The following GRIK2 variants were observed in gnomAD, a reference collection of about 807,000 sequenced individuals.
GRIK2 encodes the protein glutamate receptor ionotropic, kainate 2.
Under a neutral mutation model 100.3 loss-of-function variants are expected in GRIK2, and 32 were observed. The observed-to-expected ratio is 0.32, with a 90% CI of 0.24 to 0.43. GRIK2 has a LOEUF of 0.43. Among genes scored for constraint, GRIK2 ranks in the 20% least tolerant of loss-of-function variants. The pLI, the probability that GRIK2 is intolerant of heterozygous loss-of-function variation, is 1.00. For missense variants in GRIK2, 843 were observed against 1,114.9 expected (o/e 0.76, Z 3.47); for synonymous variants, 417 against 389.4 (o/e 1.07, Z -0.83).
At chr6:101,554,289 T>C (rs1776639646) in intron 2 of GRIK2, among the ~76,000 whole-genome samples, 1 of 152,156 alleles carries the variant, frequency 6.6e-6, no homozygotes, top group Admixed American at 6.5e-5. Flanking sequence ...TGTTAGTGTC[T>C]GTGTCCTTCA....
chr6:101,944,639 G>C (rs1317155504), intron 14 of GRIK2, among the ~76,000 whole-genome samples: 1 of 151,836 alleles, frequency 6.6e-6, no homozygotes, highest in African/African-American at 2.4e-5. Flanking sequence ...TATGTTTTTT[G>C]TGCTAATATC....
At chr6:101,842,592 A>G (rs1417292596) in intron 10 of GRIK2, among the ~76,000 whole-genome samples, 1 of 152,200 alleles carries the variant, frequency 6.6e-6, no homozygotes, top group Non-Finnish European at 1.5e-5. Context: ...CTTTAAAATG[A>G]TAGGTATTCA....
In GRIK2 at chr6:101,622,111, A is replaced by G. The variant is rs1375089610; in HGVS notation, c.278A>G (p.Lys93Arg). 3 of 1,573,748 alleles carry G rather than the reference A, an allele frequency of 1.9e-6. No homozygotes were observed. The highest frequency in any genetic ancestry group is 2.2e-5 in the East Asian group (1 of 44,538). Residue 93 changes from lysine to arginine, a missense_variant, in exon 3 of 17, where the codon AAG (lysine) becomes AGG (arginine). Lys to Arg is a conservative substitution (Grantham distance 26). Transcript: ENST00000369134. Reference protein sequence around the residue: ...INLYDSFEASKKACDQLSLGV... With the variant: ...INLYDSFEASRKACDQLSLGV... ...CTTTATGATAGTTTTGAAGCATCCAAGAAAGGTAATTGATAGATTTTTAAC... is the reference window on the plus strand; with the variant it reads ...CTTTATGATAGTTTTGAAGCATCCAGGAAAGGTAATTGATAGATTTTTAAC...
At chr6:101,410,940 C>A (rs1417821247) in intron 2 of GRIK2, among the ~76,000 whole-genome samples, 2 of 152,056 alleles carry the variant, frequency 1.3e-5, no homozygotes, top group East Asian at 1.9e-4. Flanking sequence ...CTAGACTAAG[C>A]ACAGTTTGAA....
intron 2 of GRIK2, among the ~76,000 whole-genome samples, chr6:101,509,808 C>G (rs1378215907): frequency 2.0e-5 from 3 of 152,164 alleles, no homozygotes; most frequent in Non-Finnish European, 4.4e-5. Flanking sequence ...TGCTCTCTTA[C>G]TTTGCTTTCT....
At chr6:101,472,189 A>G (rs1771979777) in intron 2 of GRIK2, among the ~76,000 whole-genome samples, 1 of 151,828 alleles carries the variant, frequency 6.6e-6, no homozygotes, top group Non-Finnish European at 1.5e-5. Context: ...GATTGAAGGT[A>G]TCTGCATTTT....
intron 2 of GRIK2, among the ~76,000 whole-genome samples, chr6:101,576,733 CTT>C (rs886406086): frequency 6.6e-6 from 1 of 151,954 alleles, no homozygotes; most frequent in African/African-American, 2.4e-5. Flanking sequence ...ATATGTATTA[CTT>C]TTCTGTGTAA....
chr6:102,025,786 C>A (rs1290795156), intron 14 of GRIK2, among the ~76,000 whole-genome samples: 1 of 150,962 alleles, frequency 6.6e-6, no homozygotes, highest in South Asian at 2.1e-4. Context: ...ACACACAGTG[C>A]GTGGCATGGT....
intron 2 of GRIK2, among the ~76,000 whole-genome samples, chr6:101,470,421 C>T (rs1322282884): frequency 2.0e-5 from 3 of 152,156 alleles, no homozygotes; most frequent in African/African-American, 7.2e-5. Context: ...TTTCCAATTT[C>T]TTTGCTCAGT....
At chr6:101,595,574 TTA>T (rs1384024881) in intron 2 of GRIK2, among the ~76,000 whole-genome samples, 1 of 151,446 alleles carries the variant, frequency 6.6e-6, no homozygotes, top group Non-Finnish European at 1.5e-5. Context: ...AATAGGGATT[TTA>T]TATGTGTATA....
chr6:101,494,839 G>A (rs1229682540), intron 2 of GRIK2, among the ~76,000 whole-genome samples: 2 of 151,280 alleles, frequency 1.3e-5, no homozygotes, highest in African/African-American at 4.9e-5. Flanking sequence ...AGACTGAGGT[G>A]GTAGGATCCT....
At chr6:101,474,184 A>C (rs891969390) in intron 2 of GRIK2, among the ~76,000 whole-genome samples, 2 of 151,930 alleles carry the variant, frequency 1.3e-5, no homozygotes, top group East Asian at 3.9e-4. Context: ...TTGATAATTT[A>C]GTGCTAAATC....
intron 2 of GRIK2, among the ~76,000 whole-genome samples, chr6:101,609,177 T>A (rs939606495): frequency 1.1e-4 from 17 of 151,842 alleles, no homozygotes; most frequent in African/African-American, 4.1e-4. Flanking sequence ...CACAATCAGT[T>A]TTTGAGTTAG....
intron 4 of GRIK2, among the ~76,000 whole-genome samples, chr6:101,671,217 TTAA>T (rs1231764018): frequency 1.3e-5 from 2 of 152,188 alleles, no homozygotes; most frequent in Non-Finnish European, 2.9e-5. Flanking sequence ...CTTTACATCC[TTAA>T]TAATTATTGA....
At chr6:101,705,433 A>G (rs1054795680) in intron 7 of GRIK2, among the ~76,000 whole-genome samples, 2 of 151,808 alleles carry the variant, frequency 1.3e-5, no homozygotes, top group African/African-American at 2.4e-5. Flanking sequence ...TCCTCACATC[A>G]TTAGACGAAA....
chr6:102,004,086 A>C (rs1362521869), intron 14 of GRIK2, among the ~76,000 whole-genome samples: 1 of 150,642 alleles, frequency 6.6e-6, no homozygotes, highest in Admixed American at 6.7e-5. Context: ...TTTATCATCT[A>C]GTATCACCAA....
At chr6:101,603,907 T>C (rs1457792646) in intron 2 of GRIK2, among the ~76,000 whole-genome samples, 1 of 151,762 alleles carries the variant, frequency 6.6e-6, no homozygotes, top group Non-Finnish European at 1.5e-5. Flanking sequence ...AAGAATTATG[T>C]GCATGCATTT....
At chr6:102,013,926 G>A (rs1278671735) in intron 14 of GRIK2, among the ~76,000 whole-genome samples, 1 of 152,050 alleles carries the variant, frequency 6.6e-6, no homozygotes, top group African/African-American at 2.4e-5. Context: ...TTTGGTATCA[G>A]AATGATGTCA....
intron 4 of GRIK2, among the ~76,000 whole-genome samples, chr6:101,671,211 A>G (rs902309454): frequency 7.2e-5 from 11 of 152,176 alleles, no homozygotes; most frequent in African/African-American, 2.7e-4. Flanking sequence ...GTACCACTTT[A>G]CATCCTTAAT....
Sources: allele counts gnomAD v4.1 joint callset (sites outside exome capture counted in the v4.1 genomes callset), GRCh38; gene constraint gnomAD v4.1.1; transcripts MANE v1.5; gene names NCBI Gene and HGNC (gene_info 2026-07-23, HGNC 2026-07-21).